Variants in SQSTM1 observed in about 807,000 individuals in gnomAD.
SQSTM1 encodes the protein sequestosome-1.
A neutral mutation model predicts 45.1 loss-of-function variants in SQSTM1; 36 were observed. The ratio of observed to expected loss-of-function variants is 0.80; its 90% CI spans 0.61 to 1.05. The LOEUF (loss-of-function observed/expected upper bound fraction) is 1.05. Among genes scored for constraint, SQSTM1 ranks in the 50% least tolerant of loss-of-function variants. The pLI is 0.00. For synonymous variants in SQSTM1, 290 were observed against 244.3 expected, an observed-to-expected ratio of 1.19 and a Z score of -1.74; for missense variants, 617 against 607.1, an observed-to-expected ratio of 1.02 and a Z score of -0.17.
At chr5:179,833,456 C>T (rs1217927367) in intron 6 of SQSTM1, 131 bp from the exon 7 acceptor site, 9 of 1,072,958 alleles carry the variant, frequency 8.4e-6, no homozygotes, top group South Asian at 1.3e-5. Context: ...CCACTGTTCC[C>T]CCTAGACCCC....
intron 7 of SQSTM1, chr5:179,836,086 C>G (rs969532308): frequency 3.7e-5 from 15 of 402,468 alleles, no homozygotes; most frequent in Non-Finnish European, 6.1e-5. Context: ...TTTCAATGCC[C>G]CATCATCTCT....
At position 179,833,683 on chromosome 5, in the gene SQSTM1, C is replaced by T; in HGVS notation, c.1066C>T (p.Leu356=). ...CCCGTCTACAGGTGAACTCCAGTCC[C>T]TACAGATGCCAGAATCCGAAGGGCC... is the stretch of plus-strand genomic sequence containing the variant. ...VDPSTGELQS[L]QMPESEGPSS... Residue 356 remains leucine, a synonymous_variant, in exon 7 of 8, where the codon CTA becomes TTA. Transcript: ENST00000389805. 1 of 1,614,192 alleles carries T rather than the reference C, an allele frequency of 6.2e-7. No homozygotes were observed.
chr5:179,837,350 C>A lies in SQSTM1; in HGVS notation c.*757C>A. 6.3e-7 allele frequency: 1 copy of A among 1,582,692 alleles called. No individual in the cohort carries two copies. Among genetic ancestry groups the A allele is most frequent in the Non-Finnish European group, 8.6e-7 (1 of 1,164,182 alleles). ...AGTGCCTTAGGGGAACCCTGTCCCT[C>A]CTAACAAGTGTATCTCGATTAATAA... On this transcript the variant is annotated 3_prime_UTR_variant, in exon 8 of 8. Transcript: ENST00000389805.
intron 7 of SQSTM1, chr5:179,835,194 T>A (rs1349690401): frequency 5.0e-6 from 1 of 198,702 alleles, no homozygotes; most frequent in South Asian, 5.9e-5. Flanking sequence ...CGCTCCTCAC[T>A]TTCCAGACTG....
chr5:179,831,181 A>AG (rs1272210098), intron 5 of SQSTM1, among the ~76,000 whole-genome samples: 6 of 152,332 alleles, frequency 3.9e-5, no homozygotes, highest in Non-Finnish European at 8.8e-5. Flanking sequence ...GTGAACGTAA[A>AG]GGGGGTCACA....
intron 4 of SQSTM1, among the ~76,000 whole-genome samples, chr5:179,824,631 T>C (rs1211121441): frequency 3.3e-5 from 5 of 152,212 alleles, no homozygotes; most frequent in African/African-American, 1.2e-4. Context: ...CAGGGGTCTT[T>C]GATGCACTTT....
At chr5:179,808,613 C>G (rs536878714) in intron 1 of SQSTM1, among the ~76,000 whole-genome samples, 38 of 151,272 alleles carry the variant, frequency 2.5e-4, no homozygotes, top group Admixed American at 1.8e-3. Flanking sequence ...GTCAGGAGAT[C>G]GAGACCATCC....
In SQSTM1 at chr5:179,836,556, AC is replaced by A; in HGVS notation, c.1287del (p.Asp429GlufsTer34). ...AACTATGACATCGGAGCGGCTCTGG[AC>A]ACCATCCAGTATTCAAAGCATCCCC... ...TKNYDIGAAL[D>X]TIQYSKHPPP... is the part of the protein sequence containing the mutation. On this transcript the variant is annotated frameshift_variant, in exon 8 of 8. Transcript: ENST00000389805. LOFTEE classifies it high-confidence loss of function. 6.2e-7 allele frequency: 1 copy of A among 1,614,084 alleles called. No individual in the cohort carries two copies. The highest frequency in any genetic ancestry group is 8.5e-7 in the Non-Finnish European group (1 of 1,180,000).
chr5:179,824,102 T>C lies in SQSTM1; in HGVS notation c.531+15T>C, dbSNP rs1280173893. 3.1e-6 allele frequency: 5 copies of C among 1,613,616 alleles called. No individual in the cohort carries two copies. Among genetic ancestry groups the C allele is most frequent in the Non-Finnish European group, 4.2e-6 (5 of 1,180,022 alleles). ...ACCTGTCTGAGGTGAGCAGGCCCTC[T>C]GTGCAGGCCTGGGGTGGGCTCAGGG... is the stretch of plus-strand genomic sequence containing the variant. On this transcript the variant is annotated intron_variant, in intron 3 of 7. Transcript: ENST00000389805.
intron 7 of SQSTM1, 42 bp from the exon 8 acceptor site, chr5:179,836,394 G>A (rs1758555691): frequency 6.2e-7 from 1 of 1,613,908 alleles, no homozygotes; most frequent in Non-Finnish European, 8.5e-7. Flanking sequence ...TCACTCACAG[G>A]GCTCAGCACC....
chr5:179,812,317 C>T (rs1340166265), intron 2 of SQSTM1: 1 of 152,254 alleles, frequency 6.6e-6, no homozygotes, highest in Admixed American at 6.5e-5. Context: ...GTACTGCAGG[C>T]CTGCAGAAAG....
chr5:179,834,668 G>A lies in SQSTM1; in HGVS notation c.1165+886G>A, dbSNP rs269450. ...TGTTTAACAAAGCACATCTTGCACC[G>A]CCCTTAATCCATTTAACCCTGAGTG... On this transcript the variant is annotated intron_variant, in intron 7 of 7. Coordinates refer to ENST00000389805, the MANE Select transcript of SQSTM1 (RefSeq NM_003900.5). Among the ~76,000 whole-genome samples, 769 of 152,158 alleles carry A rather than the reference G, an allele frequency of 5.1e-3. 6 individuals are homozygous for A. The highest frequency in any genetic ancestry group is 0.018 in the African/African-American group (728 of 41,498).
chr5:179,809,498 G>A (rs767420953), intron 1 of SQSTM1, among the ~76,000 whole-genome samples: 19 of 151,332 alleles, frequency 1.3e-4, no homozygotes, highest in Non-Finnish European at 2.5e-4. Flanking sequence ...CACCAAGCCC[G>A]GCTAATTTTT....
Position 179,823,838 on chromosome 5 carries a change from T to C in SQSTM1, c.302-20T>C, listed in dbSNP as rs1757882747. 1.2e-6 allele frequency: 2 copies of C among 1,608,164 alleles called. No homozygotes were observed. The highest frequency in any genetic ancestry group is 1.7e-6 in the Non-Finnish European group (2 of 1,179,032). Reference sequence around the variant, plus strand: ...CTTTAGGGGGTCCCACCCTAGCGGCTCTCTTTACCCTTCCTGTAGAGAAAA... The same window carrying C: ...CTTTAGGGGGTCCCACCCTAGCGGCCCTCTTTACCCTTCCTGTAGAGAAAA... On this transcript the variant is annotated intron_variant, in intron 2 of 7. Transcript: ENST00000389805.
Position 179,823,781 on chromosome 5 carries a change from G to A in SQSTM1, c.302-77G>A, listed in dbSNP as rs925660658. On this transcript the variant is annotated intron_variant, in intron 2 of 7. Transcript: ENST00000389805. ...CAGGGCCGGGGGCCTTGCTGGCAGT[G>A]ACAGCCCCACAGTGACGACAGAGGG... 3.6e-5 allele frequency: 54 copies of A among 1,508,576 alleles called. No individual in the cohort carries two copies. The Admixed American group carries it at 4.4e-4, about 12-fold the overall frequency. 93.4% of individuals were successfully genotyped at this position (1,508,576 alleles called of 1,614,324 possible). A position where few individuals can be genotyped will look rare whatever the true frequency, so the allele number is the denominator to read the frequency against.
chr5:179,822,227 G>A (rs986938181), intron 1 of SQSTM1, among the ~76,000 whole-genome samples: 2 of 152,216 alleles, frequency 1.3e-5, no homozygotes, highest in African/African-American at 4.8e-5. Flanking sequence ...TTCACTTAGT[G>A]TAATGTGTTC....
At chr5:179,826,617 T>C (rs1758001132) in intron 5 of SQSTM1, among the ~76,000 whole-genome samples, 1 of 151,224 alleles carries the variant, frequency 6.6e-6, no homozygotes, top group Non-Finnish European at 1.5e-5. Flanking sequence ...TTTTTTTCTT[T>C]GAGACAGACT....
At chr5:179,822,291 G>A (rs1318094371) in intron 1 of SQSTM1, among the ~76,000 whole-genome samples, 1 of 152,166 alleles carries the variant, frequency 6.6e-6, no homozygotes, top group Non-Finnish European at 1.5e-5. Flanking sequence ...ATATTCTGTT[G>A]TGTGGACAGG....
At chr5:179,836,058 C>G in intron 7 of SQSTM1, 1 of 352,984 alleles carries the variant, frequency 2.8e-6, no homozygotes. Flanking sequence ...CCATTCATCT[C>G]TCTCCATCTT....
Sources: gnomAD v4.1 joint callset for allele counts (sites outside exome capture counted in the v4.1 genomes callset) on GRCh38, gnomAD v4.1.1 for gene constraint, MANE v1.5 for transcripts, NCBI Gene and HGNC (gene_info 2026-07-23, HGNC 2026-07-21) for gene names.